GAK: variants seen among roughly 807,000 people sequenced by gnomAD.
GAK encodes the protein cyclin G associated kinase.
A neutral mutation model predicts 143.9 loss-of-function variants in GAK; 79 were observed. The observed-to-expected ratio is 0.55, with a 90% CI of 0.46 to 0.66. The LOEUF (loss-of-function observed/expected upper bound fraction) is 0.66. Ranked by LOEUF, GAK falls within the 30% of genes least tolerant of loss-of-function variation. GAK has a pLI of 0.00. For synonymous variants in GAK, 881 were observed against 765.5 expected, an observed-to-expected ratio of 1.15 and a Z score of -2.49; for missense variants, 1,693 against 1,779.7, an observed-to-expected ratio of 0.95 and a Z score of 0.88.
chr4:901,901 G>A (rs1346564585), intron 5 of GAK, among the ~76,000 whole-genome samples: 8 of 152,194 alleles, frequency 5.3e-5, no homozygotes, highest in East Asian at 1.9e-4. Context: ...GACAAGGCTC[G>A]GTTCCTCCCA....
In GAK at chr4:849,625, C is replaced by A; in HGVS notation, c.*48G>T. On this transcript the variant is annotated 3_prime_UTR_variant, in exon 28 of 28. Coordinates refer to ENST00000314167, the MANE Select transcript of GAK (RefSeq NM_005255.4). ...CACGGTGGGGACCCAGGTCCCACGA[C>A]GGCTCCCAACCTGTGGAGCTGTGTG... The A allele has an allele frequency of 6.8e-7, 1 of 1,474,792 alleles. No individual in the cohort carries two copies. The highest frequency in any genetic ancestry group is 9.4e-7 in the Non-Finnish European group (1 of 1,064,690). The allele number at this position is 1,474,792 out of a possible 1,614,324, so 91.4% of individuals were successfully genotyped here.
intron 5 of GAK, among the ~76,000 whole-genome samples, chr4:901,331 A>G (rs1432120965): frequency 3.4e-5 from 5 of 147,000 alleles, no homozygotes; most frequent in South Asian, 4.3e-4. Context: ...ACGGCCTTGG[A>G]TCCCCCACCC....
intron 27 of GAK, 59 bp from the exon 28 acceptor site, chr4:849,833 G>GGCCCCCCCCCCCCCCCC: frequency 5.0e-6 from 6 of 1,190,144 alleles, no homozygotes; most frequent in Non-Finnish European, 6.9e-6. Flanking sequence ...GGCGGGGCAG[G>GGCCCCCCCCCCCCCCCC]ACCCCCCCCC....
rs141559289 is a variant in GAK, at chr4:911,710, C to T, written c.345G>A (p.Gly115=). ...CTGTGAGCAAGAGGAACTCAGCCTGCCCCGTGTCTGACTCCTCTTTTCCTA... is the reference window on the plus strand; with the variant it reads ...CTGTGAGCAAGAGGAACTCAGCCTGTCCCGTGTCTGACTCCTCTTTTCCTA... ...ASIGKEESDT[G]QAEFLLLTEL... is the part of the protein sequence containing the mutation. Residue 115 remains glycine, a synonymous_variant, in exon 4 of 28, where the codon GGG becomes GGA. Transcript: ENST00000314167. 1.3e-4 allele frequency: 217 copies of T among 1,613,762 alleles called. No individual in the cohort carries two copies. Among genetic ancestry groups the T allele is most frequent in the Non-Finnish European group, 1.8e-4 (207 of 1,179,834 alleles).
chr4:921,302 T>C (rs1388499761), intron 1 of GAK, among the ~76,000 whole-genome samples: 1 of 152,090 alleles, frequency 6.6e-6, no homozygotes, highest in Non-Finnish European at 1.5e-5. Flanking sequence ...GGGGTTTCAC[T>C]ATGTTGCCCA....
rs762130890 is a variant in GAK, at chr4:849,992, C to T, written c.3734G>A (p.Gly1245Glu). The change falls in exon 27 of 28, where the codon GGG (glycine) becomes GAG (glutamate). Residue 1245 changes from glycine to glutamate, a missense_variant. Around this residue, in one of 2 missense-constraint regions of GAK, gnomAD observed 822 missense variants for 788.7 expected, o/e 1.04. Coordinates refer to ENST00000314167, the MANE Select transcript of GAK (RefSeq NM_005255.4). ...GCCCACGGGCGTCCAGCGGCTCTCC[C>T]CGTCCCACAGCACTGTGTGCAGCGT... ...LSTLHTVLWD[G>E]ESRWTPVGMA... 2 of 1,611,334 alleles carry T rather than the reference C, an allele frequency of 1.2e-6. No individual in the cohort carries two copies. The highest frequency in any genetic ancestry group is 1.7e-5 in the Admixed American group (1 of 59,906).
Position 866,368 on chromosome 4 carries a change from G to C in GAK, c.3039C>G (p.His1013Gln), listed in dbSNP as rs774514303. ...TGCCAGGCGAGAGGCACTTACCCAG[G>C]TGCAGGAAGTCGGCGCTGCAGGATG... The part of the protein sequence containing the change: ...PPPSCSADFL[H>Q]LGDLPGEPSK... Residue 1013 changes from histidine to glutamine, a missense_variant, in exon 22 of 28, where the codon CAC becomes CAG. Coordinates refer to ENST00000314167, the MANE Select transcript of GAK (RefSeq NM_005255.4). The C allele has an allele frequency of 2.5e-6, 4 of 1,613,936 alleles. No individual in the cohort carries two copies. The highest frequency in any genetic ancestry group is 3.4e-6 in the Non-Finnish European group (4 of 1,179,914).
rs367689402 is a variant in GAK at position 851,720 on chromosome 4, C to G, written c.3508+30G>C. ...GCCAATTCAGGGAGGTCTCTGCAAA[C>G]TCCACAGCAACAGAGAGTGGGGGAC... On this transcript the variant is annotated intron_variant, in intron 25 of 27. Coordinates refer to ENST00000314167, the MANE Select transcript of GAK (RefSeq NM_005255.4). The G allele has an allele frequency of 6.8e-5, 109 of 1,601,752 alleles. No homozygotes were observed. The Admixed American group carries it at 8.3e-4, about 12-fold the overall frequency.
At chr4:901,995 T>C (rs1719952440) in intron 5 of GAK, among the ~76,000 whole-genome samples, 1 of 152,094 alleles carries the variant, frequency 6.6e-6, no homozygotes, top group Non-Finnish European at 1.5e-5. Flanking sequence ...CCCAGCACTG[T>C]GGGAGGCCAA....
At chr4:870,471 C>T (rs1712316436) in intron 19 of GAK, among the ~76,000 whole-genome samples, 1 of 152,228 alleles carries the variant, frequency 6.6e-6, no homozygotes, top group Admixed American at 6.5e-5. Context: ...CTCCCTCTGC[C>T]TCCGTCCCTG....
chr4:854,565 G>C (rs1330300511), intron 24 of GAK, among the ~76,000 whole-genome samples: 2 of 152,204 alleles, frequency 1.3e-5, no homozygotes, highest in South Asian at 2.1e-4. Context: ...AGGTGCTCCA[G>C]ACCATCTGAT....
intron 15 of GAK, among the ~76,000 whole-genome samples, chr4:880,628 C>G (rs891924023): frequency 6.6e-6 from 1 of 152,188 alleles, no homozygotes; most frequent in African/African-American, 2.4e-5. Context: ...CGGTTGGACT[C>G]TTTCTGGCCT....
At chr4:902,507 T>C (rs1203024970) in intron 5 of GAK, among the ~76,000 whole-genome samples, 1 of 142,638 alleles carries the variant, frequency 7.0e-6, no homozygotes, top group Admixed American at 7.5e-5. Flanking sequence ...GAGGCTCAGG[T>C]GGGAGATCAC....
intron 18 of GAK, among the ~76,000 whole-genome samples, chr4:873,957 G>A (rs1713258726): frequency 6.6e-6 from 1 of 152,094 alleles, no homozygotes; most frequent in South Asian, 2.1e-4. Flanking sequence ...TCCCACCTGG[G>A]TTTGTTTGTT....
intron 1 of GAK, among the ~76,000 whole-genome samples, chr4:925,646 G>A (rs1183669852): frequency 6.6e-6 from 1 of 152,124 alleles, no homozygotes; most frequent in Non-Finnish European, 1.5e-5. Flanking sequence ...CCTCCTTGGG[G>A]GTGACTAGGC....
intron 5 of GAK, among the ~76,000 whole-genome samples, chr4:904,404 G>A (rs1720668388): frequency 6.6e-6 from 1 of 151,526 alleles, no homozygotes. Context: ...ACTACCTTGA[G>A]GTCCCTGTGG....
At chr4:922,215 C>T (rs1724024432) in intron 1 of GAK, among the ~76,000 whole-genome samples, 1 of 152,126 alleles carries the variant, frequency 6.6e-6, no homozygotes, top group Non-Finnish European at 1.5e-5. Context: ...AGCATCCCCT[C>T]AGCAAAAAGG....
rs532337074 is a variant in GAK, at chr4:867,399, G to C, written c.2429C>G (p.Ala810Gly). The change falls in exon 21 of 28, where the codon GCC becomes GGC. Residue 810 changes from alanine (A) to glycine (G), a missense_variant. By Grantham distance (60) the Ala-to-Gly change is moderately conservative (BLOSUM62 0). This residue lies in a region of GAK where 822 missense variants were observed against 788.7 expected (regional missense o/e 1.04). Transcript: ENST00000314167. Reference protein sequence around the residue: ...EKEAETGAENASSKESESALM... With the variant: ...EKEAETGAENGSSKESESALM... ...GGCAGACTCGCTCTCCTTGGAAGAG[G>C]CATTTTCTGCACCAGTCTCTGCCTC... 1.9e-6 allele frequency: 3 copies of C among 1,543,328 alleles called. No individual in the cohort carries two copies. In the Admixed American group the frequency reaches 5.8e-5, roughly 30 times the overall value.
chr4:867,294 G>A lies in GAK; in HGVS notation c.2534C>T (p.Ala845Val), dbSNP rs578153347. Residue 845 changes from alanine to valine, a missense_variant, in exon 21 of 28, where the codon GCC becomes GTC. Physicochemically the swap from Ala to Val is moderately conservative, Grantham distance 64. Around this residue, in one of 2 missense-constraint regions of GAK, gnomAD observed 822 missense variants for 788.7 expected, o/e 1.04. Coordinates refer to ENST00000314167, the MANE Select transcript of GAK (RefSeq NM_005255.4). ...TGCCAGGCCGGGGGGCTCTGGGTCG[G>A]CCCTGGGTTCCTGGCCCTCGCTGGA... is the stretch of plus-strand genomic sequence containing the variant. ...PISSEGQEPR[A>V]DPEPPGLAAG... is the part of the protein sequence containing the mutation. 8 of 1,612,348 alleles carry A rather than the reference G, an allele frequency of 5.0e-6. No individual in the cohort carries two copies. The highest frequency in any genetic ancestry group is 5.1e-6 in the Non-Finnish European group (6 of 1,179,238).
Sources: gnomAD v4.1 joint callset for allele counts (sites outside exome capture counted in the v4.1 genomes callset) on GRCh38, gnomAD v4.1.1 for gene constraint, gnomAD v4.1.1 regional missense constraint, MANE v1.5 for transcripts, NCBI Gene and HGNC (gene_info 2026-07-23, HGNC 2026-07-21) for gene names.